Variants in DUSP28 observed in about 807,000 individuals in gnomAD.
DUSP28 encodes dual specificity phosphatase 28.
DUSP28 carries 11 observed loss-of-function variants against 8.4 expected under a neutral mutation model. The ratio of observed to expected loss-of-function variants is 1.31; its 90% CI spans 0.83 to 2.17. DUSP28 has a LOEUF of 2.17. Ranked by LOEUF, DUSP28 falls within the 30% of genes most tolerant of loss-of-function variation. The pLI, the probability that DUSP28 is intolerant of heterozygous loss-of-function variation, is 0.00. For synonymous variants in DUSP28, 178 were observed against 130.9 expected (o/e 1.36, Z -2.46); for missense variants, 373 against 270.4 (o/e 1.38, Z -2.66).
intron 1 of DUSP28, 34 bp from the exon 2 acceptor site, chr2:240,561,296 A>G: frequency 6.2e-7 from 1 of 1,613,110 alleles, no homozygotes; most frequent in Non-Finnish European, 8.5e-7. Context: ...CATTAGCGCG[A>G]CTTGGGGTTA....
In DUSP28 at chr2:240,560,889, C is replaced by A; in HGVS notation, c.205C>A (p.Pro69Thr). Residue 69 changes from proline to threonine, a missense_variant, in exon 1 of 2, where the codon CCC becomes ACC. Physicochemically the swap from Pro to Thr is conservative, Grantham distance 38. Coordinates refer to ENST00000405954, the MANE Select transcript of DUSP28 (RefSeq NM_001370465.2). ...RAPGVAELRV[P>T]VFDDPAEDLL... ...GCCCGGCGTGGCAGAGCTGCGCGTG[C>A]CCGTGTTCGACGACCCGGCTGAGGA... 1 of 1,514,980 alleles carries A rather than the reference C, an allele frequency of 6.6e-7. No homozygotes were observed. Among genetic ancestry groups the A allele is most frequent in the East Asian group, 2.7e-5 (1 of 36,426 alleles). The allele number at this position is 1,514,980 out of a possible 1,614,324, so 93.8% of individuals were successfully genotyped here.
rs747529483 is a variant in DUSP28 at position 240,560,684 on chromosome 2, C to T, written c.-1C>T. On this transcript the variant is annotated 5_prime_UTR_variant, in exon 1 of 2. Coordinates refer to ENST00000405954, the MANE Select transcript of DUSP28 (RefSeq NM_001370465.2). ...CAAAAGCAGACTCTTCGGCGGGCGC[C>T]ATGGGACCGGCAGAAGCTGGGCGCC... 1.2e-5 allele frequency: 19 copies of T among 1,520,810 alleles called. No individual in the cohort carries two copies. In the African/African-American group the frequency reaches 2.5e-4, roughly 20 times the overall value. 94.2% of individuals were successfully genotyped at this position (1,520,810 alleles called of 1,614,324 possible). A position where few individuals can be genotyped will look rare whatever the true frequency, so the allele number is the denominator to read the frequency against.
Position 240,563,708 on chromosome 2 carries a change from GTC to G in DUSP28, c.*2247_*2248del, listed in dbSNP as rs1158939568. On this transcript the variant is annotated 3_prime_UTR_variant, in exon 2 of 2. Coordinates refer to ENST00000405954, the MANE Select transcript of DUSP28 (RefSeq NM_001370465.2). ...GCAAAGCCTGCCGTGTCTTACATTTGTCTCTCTATCCGGATTAGATGTTGCTA... is the reference window on the plus strand; with the variant it reads ...GCAAAGCCTGCCGTGTCTTACATTTGTCTCTATCCGGATTAGATGTTGCTA... 6.6e-6 allele frequency: 1 copy of G among 152,502 alleles called. No individual in the cohort carries two copies. Among genetic ancestry groups the G allele is most frequent in the Non-Finnish European group, 1.5e-5 (1 of 68,044 alleles). The allele number at this position is 152,502 out of a possible 1,614,324, so 9.4% of individuals were successfully genotyped here. A position where few individuals can be genotyped will look rare whatever the true frequency, so the allele number is the denominator to read the frequency against.
rs2092996394 is a variant in DUSP28 at position 240,564,516 on chromosome 2, G to C, written c.*3049G>C. Among the ~76,000 whole-genome samples, 1 of 152,252 alleles carries C rather than the reference G, an allele frequency of 6.6e-6. No homozygotes were observed. The highest frequency in any genetic ancestry group is 1.5e-5 in the Non-Finnish European group (1 of 68,046). On this transcript the variant is annotated 3_prime_UTR_variant, in exon 2 of 2. Transcript: ENST00000405954. ...CTGCTCCGTCCTCTCCCTCTGGTCA[G>C]CTCAGCTTATTAAACAAGCCTTGGT... is the stretch of plus-strand genomic sequence containing the variant.
Position 240,561,472 on chromosome 2 carries a change from T to C in DUSP28, c.*5T>C, listed in dbSNP as rs2125435356. On this transcript the variant is annotated 3_prime_UTR_variant, in exon 2 of 2. Coordinates refer to ENST00000405954, the MANE Select transcript of DUSP28 (RefSeq NM_001370465.2). ...GGGTTGGGCCCTGAGGCTTGAAGCT[T>C]GAAGGCCTGCTGCCTGGAGGAAGGA... 6.2e-7 allele frequency: 1 copy of C among 1,611,676 alleles called. No homozygotes were observed. The highest frequency in any genetic ancestry group is 1.3e-5 in the African/African-American group (1 of 74,990).
In DUSP28 at chr2:240,565,086, G is replaced by A; in HGVS notation, c.*3619G>A. ...CACCACCTCTCCTGGACATCCTGTG[G>A]CCTAAAGACTATCCTAGAATCAACA... On this transcript the variant is annotated 3_prime_UTR_variant, in exon 2 of 2. Transcript: ENST00000405954. Among the ~76,000 whole-genome samples the A allele has an allele frequency of 6.6e-6, 1 of 152,182 alleles. No individual in the cohort carries two copies. The highest frequency in any genetic ancestry group is 3.2e-3 in the Middle Eastern group (1 of 316).
At position 240,565,191 on chromosome 2, in the gene DUSP28, T is replaced by A. The variant is rs1165033302; in HGVS notation, c.*3724T>A. On this transcript the variant is annotated 3_prime_UTR_variant, in exon 2 of 2. Coordinates refer to ENST00000405954, the MANE Select transcript of DUSP28 (RefSeq NM_001370465.2). ...CACAGATAACGTAGTCATTGGTTAA[T>A]ATATACAACTACGCGTATTTACATT... Among the ~76,000 whole-genome samples the A allele has an allele frequency of 6.6e-6, 1 of 151,680 alleles. No homozygotes were observed. Among genetic ancestry groups the A allele is most frequent in the African/African-American group, 2.4e-5 (1 of 41,462 alleles).
Position 240,561,241 on chromosome 2 carries a change from G to A in DUSP28, c.394-89G>A, listed in dbSNP as rs564901484. On this transcript the variant is annotated intron_variant, in intron 1 of 1. Coordinates refer to ENST00000405954, the MANE Select transcript of DUSP28 (RefSeq NM_001370465.2). The stretch of plus-strand genomic sequence containing the variant: ...AAGCAGAGAGGCACTTCCGGGTTGG[G>A]CGGGGCCCACTCTTACAGCTGGGCC... 3.1e-6 allele frequency: 5 copies of A among 1,596,238 alleles called. No individual in the cohort carries two copies. The African/African-American group carries it at 4.0e-5, about 13-fold the overall frequency.
rs1185861224 is a variant in DUSP28, at chr2:240,564,608, G to C, written c.*3141G>C. 2.0e-5 allele frequency among the ~76,000 whole-genome samples: 3 copies of C among 152,206 alleles called. No homozygotes were observed. Among genetic ancestry groups the C allele is most frequent in the Middle Eastern group, 3.2e-3 (1 of 316 alleles). On this transcript the variant is annotated 3_prime_UTR_variant, in exon 2 of 2. Transcript: ENST00000405954. ...CTGAATGCAGGGAGAAGAAGGCTGGGGAGCCAAGGACAGGAGAGGAGACAT... is the reference window on the plus strand; with the variant it reads ...CTGAATGCAGGGAGAAGAAGGCTGGCGAGCCAAGGACAGGAGAGGAGACAT...
chr2:240,561,547 T>C lies in DUSP28; in HGVS notation c.*80T>C. 1 of 1,492,448 alleles carries C rather than the reference T, an allele frequency of 6.7e-7. No homozygotes were observed. Among genetic ancestry groups the C allele is most frequent in the Admixed American group, 2.4e-5 (1 of 41,024 alleles). The allele number at this position is 1,492,448 out of a possible 1,614,324, so 92.5% of individuals were successfully genotyped here. A position where few individuals can be genotyped will look rare whatever the true frequency, so the allele number is the denominator to read the frequency against. ...TGGTCTTTACCCTTCTTCCTCACTG[T>C]CATATCGAGTTTTCCTTTGTGTGTG... On this transcript the variant is annotated 3_prime_UTR_variant, in exon 2 of 2. Coordinates refer to ENST00000405954, the MANE Select transcript of DUSP28 (RefSeq NM_001370465.2).
rs750953578 is a variant in DUSP28 at position 240,560,792 on chromosome 2, G to A, written c.108G>A (p.Ala36=). The change falls in exon 1 of 2, where the codon GCG becomes GCA. Residue 36 remains alanine (A), a synonymous_variant. Transcript: ENST00000405954. ...TCGGGAGCGCGCGAGCCGCGGGCGC[G>A]GAGGAGCAGCTGGCGCGCGCGGGAG... ...LFLGSARAAG[A]EEQLARAGVT... 5.5e-6 allele frequency: 8 copies of A among 1,453,644 alleles called. No individual in the cohort carries two copies. The highest frequency in any genetic ancestry group is 7.2e-6 in the Non-Finnish European group (8 of 1,110,854). The allele number at this position is 1,453,644 out of a possible 1,614,324, so 90.0% of individuals were successfully genotyped here.
Position 240,565,131 on chromosome 2 carries a change from G to T in DUSP28, c.*3664G>T, listed in dbSNP as rs2092997920. On this transcript the variant is annotated 3_prime_UTR_variant, in exon 2 of 2. Coordinates refer to ENST00000405954, the MANE Select transcript of DUSP28 (RefSeq NM_001370465.2). ...TCAACACTCCTTAAATAGGAGTGGG[G>T]AAAGAAAAGGAAAATGTGTGTAATA... Among the ~76,000 whole-genome samples the T allele has an allele frequency of 6.6e-6, 1 of 152,200 alleles. No individual in the cohort carries two copies. The highest frequency in any genetic ancestry group is 6.5e-5 in the Admixed American group (1 of 15,280).
rs978263411 is a variant in DUSP28, at chr2:240,560,818, T to C, written c.134T>C (p.Val45Ala). The C allele has an allele frequency of 2.1e-6, 3 of 1,434,440 alleles. No homozygotes were observed. The highest frequency in any genetic ancestry group is 3.0e-5 in the Admixed American group (1 of 33,870). The allele number at this position is 1,434,440 out of a possible 1,614,324, so 88.9% of individuals were successfully genotyped here. The change falls in exon 1 of 2, where the codon GTC (valine) becomes GCC (alanine). Residue 45 changes from valine (V) to alanine (A), a missense_variant. Transcript: ENST00000405954. Reference protein sequence around the residue: ...GAEEQLARAGVTLCVNVSRQQ... With the variant: ...GAEEQLARAGATLCVNVSRQQ... The stretch of plus-strand genomic sequence containing the variant: ...GAGGAGCAGCTGGCGCGCGCGGGAG[T>C]CACGCTGTGCGTCAACGTCTCCCGC...
At position 240,560,875 on chromosome 2, in the gene DUSP28, C is replaced by T; in HGVS notation, c.191C>T (p.Ala64Val). The T allele has an allele frequency of 1.4e-6, 2 of 1,422,564 alleles. No individual in the cohort carries two copies. The highest frequency in any genetic ancestry group is 1.3e-5 in the South Asian group (1 of 75,226). 88.1% of individuals were successfully genotyped at this position (1,422,564 alleles called of 1,614,324 possible). A position where few individuals can be genotyped will look rare whatever the true frequency, so the allele number is the denominator to read the frequency against. The change falls in exon 1 of 2, where the codon GCA (alanine) becomes GTA (valine). Residue 64 changes from alanine to valine, a missense_variant. Coordinates refer to ENST00000405954, the MANE Select transcript of DUSP28 (RefSeq NM_001370465.2). ...QQPGPRAPGV[A>V]ELRVPVFDDP... ...CCCGGCCCGCGCGCGCCCGGCGTGG[C>T]AGAGCTGCGCGTGCCCGTGTTCGAC...
At chr2:240,561,236 G>C (rs2092947035) in intron 1 of DUSP28, 94 bp from the exon 2 acceptor site, 1 of 1,591,360 alleles carries the variant, frequency 6.3e-7, no homozygotes, top group African/African-American at 1.4e-5. Flanking sequence ...GCACTTCCGG[G>C]TTGGGCGGGG....
rs1480035833 is a variant in DUSP28, at chr2:240,562,316, G to A, written c.*849G>A. 6.6e-6 allele frequency: 1 copy of A among 152,168 alleles called. No individual in the cohort carries two copies. The highest frequency in any genetic ancestry group is 1.5e-5 in the Non-Finnish European group (1 of 68,038). The allele number at this position is 152,168 out of a possible 1,614,324, so 9.4% of individuals were successfully genotyped here. Reference sequence around the variant, plus strand: ...TTAGCCAGGATGGTCTCAAACTCCTGACCTCGTGATCCACCCACCTCAGCC... The same window carrying A: ...TTAGCCAGGATGGTCTCAAACTCCTAACCTCGTGATCCACCCACCTCAGCC... On this transcript the variant is annotated 3_prime_UTR_variant, in exon 2 of 2. Coordinates refer to ENST00000405954, the MANE Select transcript of DUSP28 (RefSeq NM_001370465.2).
rs2125445083 is a variant in DUSP28 at position 240,563,817 on chromosome 2, C to T, written c.*2350C>T. The T allele has an allele frequency of 6.6e-6, 1 of 152,528 alleles. No homozygotes were observed. The highest frequency in any genetic ancestry group is 1.5e-5 in the Non-Finnish European group (1 of 68,050). 9.4% of individuals were successfully genotyped at this position (152,528 alleles called of 1,614,324 possible). ...AGTGTCACCCACATTCACCTCTTTCCACTTAAACGTGTCCCATGAATCTTG... is the reference window on the plus strand; with the variant it reads ...AGTGTCACCCACATTCACCTCTTTCTACTTAAACGTGTCCCATGAATCTTG... On this transcript the variant is annotated 3_prime_UTR_variant, in exon 2 of 2. Transcript: ENST00000405954.
rs975771112 is a variant in DUSP28, at chr2:240,565,206, G to A, written c.*3739G>A. ...CATTGGTTAATATATACAACTACGCGTATTTACATTCTGTATGCGTCAATG... is the reference window on the plus strand; with the variant it reads ...CATTGGTTAATATATACAACTACGCATATTTACATTCTGTATGCGTCAATG... On this transcript the variant is annotated 3_prime_UTR_variant, in exon 2 of 2. Coordinates refer to ENST00000405954, the MANE Select transcript of DUSP28 (RefSeq NM_001370465.2). Among the ~76,000 whole-genome samples, 1 of 151,624 alleles carries A rather than the reference G, an allele frequency of 6.6e-6. No homozygotes were observed. Among genetic ancestry groups the A allele is most frequent in the Non-Finnish European group, 1.5e-5 (1 of 68,032 alleles).
rs148125173 is a variant in DUSP28 at position 240,564,344 on chromosome 2, G to A, written c.*2877G>A. Among the ~76,000 whole-genome samples the A allele has an allele frequency of 3.9e-5, 6 of 152,282 alleles. No individual in the cohort carries two copies. Among genetic ancestry groups the A allele is most frequent in the East Asian group, 1.9e-4 (1 of 5,182 alleles). ...TCCATGGTCCCACGGCACCACGGCC[G>A]CCCAGTGCACTCGCCTCCACACTGA... On this transcript the variant is annotated 3_prime_UTR_variant, in exon 2 of 2. Coordinates refer to ENST00000405954, the MANE Select transcript of DUSP28 (RefSeq NM_001370465.2).
Sources: allele counts gnomAD v4.1 joint callset (sites outside exome capture counted in the v4.1 genomes callset), GRCh38; gene constraint gnomAD v4.1.1; transcripts MANE v1.5; gene names NCBI Gene and HGNC (gene_info 2026-07-23, HGNC 2026-07-21).